Variants in ZNF331 observed in about 807,000 individuals in gnomAD.
The protein encoded by ZNF331 is C2H2-like zinc finger protein rearranged in thyroid adenomas.
A neutral mutation model predicts 7.0 loss-of-function variants in ZNF331; 2 were observed. The observed-to-expected ratio is 0.29, with a 90% CI of 0.12 to 0.90. The LOEUF is 0.90. Among genes scored for constraint, ZNF331 ranks in the 40% least tolerant of loss-of-function variants. The probability of loss-of-function intolerance (pLI) is 0.58; values close to 1 mark genes in which losing one functional copy is unlikely to be tolerated. For synonymous variants in ZNF331, 196 were observed against 205.4 expected (o/e 0.95, Z 0.39); for missense variants, 432 against 587.7 (o/e 0.74, Z 2.74).
In ZNF331 at chr19:53,568,760, A is replaced by G. The variant is rs367731721; in HGVS notation, c.-73-544A>G. 1.1e-4 allele frequency among the ~76,000 whole-genome samples: 16 copies of G among 151,902 alleles called. No individual in the cohort carries two copies. The East Asian group carries it at 1.7e-3, about 17-fold the overall frequency. On this transcript the variant is annotated intron_variant, in intron 3 of 5. Transcript: ENST00000449416. The stretch of plus-strand genomic sequence containing the variant: ...CTGGGCCTGTCTTTGAGGCGCAAAA[A>G]AAAAAAAAAGTAAAGCCTCCTCTGC...
chr19:53,577,502 T>C lies in ZNF331; in HGVS notation c.942T>C (p.Leu314=), dbSNP rs773083487. The change falls in exon 6 of 6, where the codon CTT becomes CTC. Residue 314 remains leucine, a synonymous_variant. Transcript: ENST00000449416. ...AGGCCTTTACTCGAGTCAATTACCT[T>C]ACTCAGCATCAGAAGATCCACACCG... The part of the protein sequence containing the change: ...CGKAFTRVNY[L]TQHQKIHTGE... 2 of 1,612,628 alleles carry C rather than the reference T, an allele frequency of 1.2e-6. No individual in the cohort carries two copies. Among genetic ancestry groups the C allele is most frequent in the South Asian group, 2.2e-5 (2 of 91,050 alleles).
intron 2 of ZNF331, among the ~76,000 whole-genome samples, chr19:53,553,339 A>G (rs543807263): frequency 6.6e-6 from 1 of 152,232 alleles, no homozygotes; most frequent in Non-Finnish European, 1.5e-5. Context: ...CATAACATCA[A>G]TGGATGATGT....
chr19:53,518,256 C>A (rs927479235), upstream of ZNF331, among the ~76,000 whole-genome samples: 1 of 152,106 alleles, frequency 6.6e-6, no homozygotes, highest in African/African-American at 2.4e-5. Context: ...ATTCCAGGTT[C>A]TTTGGTCTTT....
At chr19:53,524,731 A>G (rs996970580) in intron 2 of ZNF331, among the ~76,000 whole-genome samples, 1 of 152,080 alleles carries the variant, frequency 6.6e-6, no homozygotes. Flanking sequence ...TCCTTCTGAT[A>G]GTAGTTTCTT....
At position 53,569,339 on chromosome 19, in the gene ZNF331, AC is replaced by A. The variant is rs1313210709; in HGVS notation, c.-34del. ...TCGGAATTTGTCTTCTTCAGTGGAAACCCCGAGAAGACTGATCAGTTCTTCA... is the reference window on the plus strand; with the variant it reads ...TCGGAATTTGTCTTCTTCAGTGGAAACCCGAGAAGACTGATCAGTTCTTCA... On this transcript the variant is annotated 5_prime_UTR_variant, in exon 4 of 6. Coordinates refer to ENST00000449416, the MANE Select transcript of ZNF331 (RefSeq NM_001079906.2). 2 of 1,611,072 alleles carry A rather than the reference AC, an allele frequency of 1.2e-6. No homozygotes were observed. Among genetic ancestry groups the A allele is most frequent in the Admixed American group, 1.7e-5 (1 of 59,454 alleles).
intron 2 of ZNF331, among the ~76,000 whole-genome samples, chr19:53,524,035 T>G (rs1297061963): frequency 6.6e-6 from 1 of 152,232 alleles, no homozygotes; most frequent in Non-Finnish European, 1.5e-5. Flanking sequence ...GTCCTTGTGA[T>G]AGTTTGCTCA....
At chr19:53,506,462 C>CTCTGTCTCTCTCTCTG in the ZNF331 span, among the ~76,000 whole-genome samples, 2 of 137,318 alleles carry the variant, frequency 1.5e-5, no homozygotes, top group African/African-American at 5.7e-5. Context: ...CTCTCTCTCT[C>CTCTGTCTCTCTCTCTG]TCTCTCTCTC....
At chr19:53,565,960 G>A (rs1600450287) in intron 3 of ZNF331, among the ~76,000 whole-genome samples, 1 of 152,112 alleles carries the variant, frequency 6.6e-6, no homozygotes, top group Admixed American at 6.6e-5. Flanking sequence ...ACAAATAGGT[G>A]CACTGAAATG....
chr19:53,534,368 A>C (rs530690279), upstream of ZNF331, among the ~76,000 whole-genome samples: 2 of 152,000 alleles, frequency 1.3e-5, no homozygotes, highest in Admixed American at 6.6e-5. Context: ...GCTCACTGCA[A>C]ACTCCACCTC....
chr19:53,516,413 C>T (rs1600164864), upstream of ZNF331, among the ~76,000 whole-genome samples: 1 of 149,396 alleles, frequency 6.7e-6, no homozygotes, highest in East Asian at 2.0e-4. Flanking sequence ...TGGGCCACTG[C>T]ACTCTGGCCT....
At position 53,560,010 on chromosome 19, in the gene ZNF331, GCACA is replaced by G. The variant is rs201140701; in HGVS notation, c.-74+4108_-74+4111del. Among the ~76,000 whole-genome samples the G allele has an allele frequency of 9.5e-3, 1,103 of 116,244 alleles. 19 individuals carry two copies. The highest frequency in any genetic ancestry group is 0.034 in the African/African-American group (1,037 of 30,170). 76.3% of individuals were successfully genotyped at this position (116,244 alleles called of 152,430 possible). A position where few individuals can be genotyped will look rare whatever the true frequency, so the allele number is the denominator to read the frequency against. On this transcript the variant is annotated intron_variant, in intron 3 of 5. Transcript: ENST00000449416. The surrounding 1 kb of genome is among the most constrained non-coding windows in gnomAD (Gnocchi z 4.3). ...ACACCATATATACACACACATATAC[GCACA>G]CACACCCCATACACATGCATACCTC...
intron 3 of ZNF331, among the ~76,000 whole-genome samples, chr19:53,565,401 C>T (rs2147595287): frequency 6.6e-6 from 1 of 152,252 alleles, no homozygotes; most frequent in South Asian, 2.1e-4. Context: ...TGCTATGTTG[C>T]CCAGGCTGGT....
chr19:53,505,401 G>A, the ZNF331 span, among the ~76,000 whole-genome samples: 1 of 152,128 alleles, frequency 6.6e-6, no homozygotes, highest in African/African-American at 2.4e-5. Flanking sequence ...CTCGTGCCAT[G>A]TTTCCCAGGC....
intron 5 of ZNF331, among the ~76,000 whole-genome samples, chr19:53,576,211 C>T (rs933008683): frequency 5.9e-5 from 9 of 151,768 alleles, no homozygotes; most frequent in African/African-American, 1.9e-4. Flanking sequence ...CTCGGACTCC[C>T]GACCTCAGGT....
At chr19:53,532,117 T>G (rs1374677675) in intron 2 of ZNF331, among the ~76,000 whole-genome samples, 1 of 152,198 alleles carries the variant, frequency 6.6e-6, no homozygotes, top group Non-Finnish European at 1.5e-5. Context: ...TTTTTGTGAT[T>G]AGAACATTTA....
At chr19:53,556,725 C>T (rs2089452783) in intron 3 of ZNF331, among the ~76,000 whole-genome samples, 2 of 152,056 alleles carry the variant, frequency 1.3e-5, no homozygotes, top group African/African-American at 4.8e-5. Context: ...GCAACCTCAG[C>T]CCCCTGGGCT....
At chr19:53,516,957 C>T (rs2086918105), upstream of ZNF331, among the ~76,000 whole-genome samples, 1 of 152,116 alleles carries the variant, frequency 6.6e-6, no homozygotes, top group Non-Finnish European at 1.5e-5. Flanking sequence ...CAAATTTTAA[C>T]AAATTTGATG....
chr19:53,503,382 A>G, the ZNF331 span: 1 of 473,430 alleles, frequency 2.1e-6, no homozygotes, highest in South Asian at 2.0e-5. Flanking sequence ...AGCCTGTGGG[A>G]ACTGACAGAA....
At chr19:53,544,913 T>C (rs2088488411) in intron 2 of ZNF331, among the ~76,000 whole-genome samples, 1 of 152,052 alleles carries the variant, frequency 6.6e-6, no homozygotes, top group South Asian at 2.1e-4. Context: ...TTTGTATTTT[T>C]AGTAGAGACG....
Sources: allele counts gnomAD v4.1 joint callset (sites outside exome capture counted in the v4.1 genomes callset), GRCh38; gene constraint gnomAD v4.1.1; non-coding constraint Gnocchi (gnomAD v3.1); transcripts MANE v1.5; gene names NCBI Gene and HGNC (gene_info 2026-07-23, HGNC 2026-07-21).